LAMA1: variants seen among roughly 807,000 people sequenced by gnomAD.
LAMA1 encodes laminin subunit alpha-1.
A neutral mutation model predicts 348.7 loss-of-function variants in LAMA1; 219 were observed. That is an observed-to-expected ratio of 0.63 (90% CI 0.56 to 0.70). The LOEUF (loss-of-function observed/expected upper bound fraction) is 0.70, where lower values mean the gene tolerates loss of function less well. LAMA1 is among the 30% of genes least tolerant of loss of function. LAMA1 has a pLI of 0.00. For synonymous variants in LAMA1, 1,487 were observed against 1,491.0 expected (o/e 1.00, Z 0.06); for missense variants, 3,744 against 3,888.0 (o/e 0.96, Z 0.99).
chr18:7,021,853 T>TATATAATATATATTATATA (rs1568034758), intron 19 of LAMA1, among the ~76,000 whole-genome samples: 2 of 70,088 alleles, frequency 2.9e-5, no homozygotes, highest in Non-Finnish European at 5.7e-5. Flanking sequence ...TATATTATAT[T>TATATAATATATATTATATA]ATATATATTA....
intron 1 of LAMA1, among the ~76,000 whole-genome samples, chr18:7,084,167 T>A (rs1319260711): frequency 6.6e-6 from 1 of 151,752 alleles, no homozygotes. Context: ...AATTTTTATT[T>A]TTTTTTTAGA....
At chr18:7,072,727 G>A (rs2058150912) in intron 3 of LAMA1, among the ~76,000 whole-genome samples, 1 of 152,192 alleles carries the variant, frequency 6.6e-6, no homozygotes, top group Non-Finnish European at 1.5e-5. Context: ...CTGTGTTTCT[G>A]TTGGTATACT....
intron 45 of LAMA1, 118 bp from the exon 46 acceptor site, chr18:6,975,154 A>G: frequency 8.1e-7 from 1 of 1,238,124 alleles, no homozygotes. Context: ...ATAAATACAT[A>G]AAAAGCAAAC....
rs1243505061 is a variant in LAMA1, at chr18:7,026,088, T to C, written c.2293A>G (p.Thr765Ala). The C allele has an allele frequency of 4.3e-6, 7 of 1,611,314 alleles. No individual in the cohort carries two copies. The highest frequency in any genetic ancestry group is 5.1e-6 in the Non-Finnish European group (6 of 1,178,712). ...GVCIACAHNT[T>A]GVHCEQCLPG... ...AAGCACTGCTCACAGTGGACGCCGG[T>C]GGTGTTGTGCGCACACGCCTAGGAA... is the stretch of plus-strand genomic sequence containing the variant. Residue 765 changes from threonine (T) to alanine (A), a missense_variant, in exon 17 of 63, where the codon ACC (threonine) becomes GCC (alanine). Coordinates refer to ENST00000389658, the MANE Select transcript of LAMA1 (RefSeq NM_005559.4).
intron 56 of LAMA1, chr18:6,956,239 C>A (rs16950868): frequency 0.22 from 76,623 of 345,916 alleles, 9,211 homozygotes; most frequent in Middle Eastern, 0.32. Flanking sequence ...TTGGCCAGAA[C>A]TGGCTTTTCC....
At chr18:6,962,704 A>G (rs1282422710) in intron 51 of LAMA1, among the ~76,000 whole-genome samples, 2 of 152,212 alleles carry the variant, frequency 1.3e-5, no homozygotes, top group African/African-American at 4.8e-5. Context: ...GTAGAGTAGA[A>G]TGTTTGCTTC....
At chr18:7,028,922 C>T (rs2057956350) in intron 16 of LAMA1, among the ~76,000 whole-genome samples, 1 of 152,196 alleles carries the variant, frequency 6.6e-6, no homozygotes, top group African/African-American at 2.4e-5. Context: ...CCCATTTCCC[C>T]GTGTCCCCTT....
At chr18:7,105,219 A>G (rs1273185488) in intron 1 of LAMA1, among the ~76,000 whole-genome samples, 1 of 152,116 alleles carries the variant, frequency 6.6e-6, no homozygotes, top group Non-Finnish European at 1.5e-5. Flanking sequence ...CAGGTGGATC[A>G]CCTGAGGTCA....
chr18:7,051,565 A>G (rs1167897533), intron 3 of LAMA1, among the ~76,000 whole-genome samples: 1 of 152,222 alleles, frequency 6.6e-6, no homozygotes, highest in Non-Finnish European at 1.5e-5. Context: ...TAGTATTATT[A>G]TTATTAACAA....
rs140909370 is a variant in LAMA1, at chr18:6,955,367, C to T, written c.8193G>A (p.Ser2731=). Residue 2731 remains serine, a synonymous_variant, in exon 57 of 63, where the codon TCG becomes TCA. Coordinates refer to ENST00000389658, the MANE Select transcript of LAMA1 (RefSeq NM_005559.4). ...NSHFILPFNQ[S]AVRKKLSVEL... ...ATGATACCTACTTCTTTCTGACAGC[C>T]GACTGATTAAAAGGCAAGATGAAAT... is the stretch of plus-strand genomic sequence containing the variant. 174 of 1,613,688 alleles carry T rather than the reference C, an allele frequency of 1.1e-4. 3 individuals carry two copies. The highest frequency in any genetic ancestry group is 8.4e-4 in the South Asian group (76 of 91,006).
At chr18:7,083,205 T>C (rs1390683102) in intron 1 of LAMA1, among the ~76,000 whole-genome samples, 1 of 151,134 alleles carries the variant, frequency 6.6e-6, no homozygotes, top group Non-Finnish European at 1.5e-5. Context: ...TTTTTTTTTT[T>C]TTGAGACATA....
chr18:6,993,683 C>T lies in LAMA1; in HGVS notation c.4966G>A (p.Asp1656Asn). ...ATERIFKESQ[D>N]LAIAIERLQM... ...AGCCTCTCAATGGCTATGGCCAGGT[C>T]TTGACTCTCCTTGAAGATTCTCTCA... The change falls in exon 35 of 63, where the codon GAC becomes AAC. Residue 1656 changes from aspartate (D) to asparagine (N), a missense_variant. Asp to Asn is a conservative substitution (Grantham distance 23, BLOSUM62 1). This residue lies in a region of LAMA1 where 1,983 missense variants were observed against 1,934.3 expected (regional missense o/e 1.03). Transcript: ENST00000389658. 2 of 1,614,096 alleles carry T rather than the reference C, an allele frequency of 1.2e-6. No homozygotes were observed. The highest frequency in any genetic ancestry group is 1.7e-6 in the Non-Finnish European group (2 of 1,179,968).
intron 47 of LAMA1, 136 bp from the exon 48 acceptor site, chr18:6,972,117 A>G: frequency 1.0e-6 from 1 of 979,182 alleles, no homozygotes; most frequent in Non-Finnish European, 1.6e-6. Flanking sequence ...ATTAGAAAAA[A>G]GCCAGTTTGT....
chr18:7,008,077 C>T (rs1487114843), intron 28 of LAMA1, among the ~76,000 whole-genome samples: 1 of 152,038 alleles, frequency 6.6e-6, no homozygotes, highest in African/African-American at 2.4e-5. Context: ...GGATTACAGG[C>T]ATGTGCCATG....
intron 9 of LAMA1, among the ~76,000 whole-genome samples, chr18:7,040,543 G>C (rs1183480733): frequency 6.6e-6 from 1 of 152,168 alleles, no homozygotes; most frequent in East Asian, 1.9e-4. Flanking sequence ...GATGAAACCC[G>C]TGGAGGGAGC....
chr18:6,980,656 A>C lies in LAMA1; in HGVS notation c.5891-19T>G. ...GCAATACCTATTTAAAGGGAGAAAAATGTTTCCTTTCAGGTTAGCCTACAA... is the reference window on the plus strand; with the variant it reads ...GCAATACCTATTTAAAGGGAGAAAACTGTTTCCTTTCAGGTTAGCCTACAA... On this transcript the variant is annotated intron_variant, in intron 41 of 62. Coordinates refer to ENST00000389658, the MANE Select transcript of LAMA1 (RefSeq NM_005559.4). The C allele has an allele frequency of 4.7e-6, 7 of 1,501,284 alleles. No individual in the cohort carries two copies. The highest frequency in any genetic ancestry group is 6.5e-6 in the Non-Finnish European group (7 of 1,079,006). 93.0% of individuals were successfully genotyped at this position (1,501,284 alleles called of 1,614,324 possible).
chr18:7,095,074 T>TTC lies in LAMA1; in HGVS notation c.62-14618_62-14617insGA, dbSNP rs1169477112. Among the ~76,000 whole-genome samples the TTC allele has an allele frequency of 9.9e-4, 150 of 151,726 alleles. 3 individuals carry two copies. The highest frequency in any genetic ancestry group is 3.6e-3 in the African/African-American group (148 of 41,316). ...GCAATATCCCTTGACTGTTTTTTTT[T>TTC]TTTTTTTGTAGAAATTGACAAGCTG... On this transcript the variant is annotated intron_variant, in intron 1 of 62. Coordinates refer to ENST00000389658, the MANE Select transcript of LAMA1 (RefSeq NM_005559.4).
chr18:7,055,376 C>T (rs2058077407), intron 3 of LAMA1, among the ~76,000 whole-genome samples: 1 of 150,220 alleles, frequency 6.7e-6, no homozygotes, highest in African/African-American at 2.5e-5. Flanking sequence ...TTGCTTGAAC[C>T]CGGGAGGCAG....
intron 33 of LAMA1, among the ~76,000 whole-genome samples, chr18:6,997,000 T>C (rs2057784085): frequency 6.6e-6 from 1 of 152,180 alleles, no homozygotes; most frequent in South Asian, 2.1e-4. Context: ...TAATACACTT[T>C]AAAAATAATA....
Sources: gnomAD v4.1 joint callset for allele counts (sites outside exome capture counted in the v4.1 genomes callset) on GRCh38, gnomAD v4.1.1 for gene constraint, gnomAD v4.1.1 regional missense constraint, MANE v1.5 for transcripts, NCBI Gene and HGNC (gene_info 2026-07-23, HGNC 2026-07-21) for gene names.